Variants in NRXN3 observed in about 807,000 individuals in gnomAD.
The protein encoded by NRXN3 is neurexin 3.
In NRXN3, 32 loss-of-function variants were observed where a neutral mutation model predicts 137.6. That is an observed-to-expected ratio of 0.23 (90% CI 0.18 to 0.31). The LOEUF (loss-of-function observed/expected upper bound fraction) is 0.31, where lower values mean the gene tolerates loss of function less well. Ranked by LOEUF, NRXN3 falls within the 10% of genes least tolerant of loss-of-function variation. The pLI is 1.00. For synonymous variants in NRXN3, 798 were observed against 784.5 expected, an observed-to-expected ratio of 1.02 and a Z score of -0.29; for missense variants, 1,574 against 2,062.5, an observed-to-expected ratio of 0.76 and a Z score of 4.59.
At chr14:78,520,956 G>T (rs933028540) in intron 4 of NRXN3, among the ~76,000 whole-genome samples, 1 of 152,188 alleles carries the variant, frequency 6.6e-6, no homozygotes, top group African/African-American at 2.4e-5. Context: ...GAAGCTGTCA[G>T]TAGGGCTTTC....
intron 1 of NRXN3, among the ~76,000 whole-genome samples, chr14:78,221,470 G>A (rs1045483511): frequency 1.3e-5 from 2 of 152,158 alleles, no homozygotes; most frequent in Non-Finnish European, 2.9e-5. Flanking sequence ...TGGGAGTCAG[G>A]GTACAGAGGG....
rs188017529 is a variant in NRXN3, at chr14:78,268,623, G to A, written c.710-10022G>A. Among the ~76,000 whole-genome samples, 15 of 152,274 alleles carry A rather than the reference G, an allele frequency of 9.9e-5. No individual in the cohort carries two copies. The East Asian group carries it at 2.3e-3, about 24-fold the overall frequency. ...GGATGGAAGTATGGTACTGTGGGAA[G>A]GAAAACGAGTTTGGAGTCAGAGAAA... On this transcript the variant is annotated intron_variant, in intron 2 of 20. Transcript: ENST00000335750.
intron 15 of NRXN3, among the ~76,000 whole-genome samples, chr14:79,409,907 TA>T (rs2095389107): frequency 6.6e-6 from 1 of 151,836 alleles, no homozygotes; most frequent in South Asian, 2.1e-4. Flanking sequence ...TTTACTTTTT[TA>T]TTAATTACAA....
At position 78,827,950 on chromosome 14, in the gene NRXN3, C is replaced by CA. The variant is rs1239947089; in HGVS notation, c.2275+17607dup. Among the ~76,000 whole-genome samples the CA allele has an allele frequency of 3.9e-5, 6 of 152,226 alleles. No individual in the cohort carries two copies. The East Asian group carries it at 1.2e-3, about 29-fold the overall frequency. Reference sequence around the variant, plus strand: ...TATTGCCATTGCCTTTGAAGGCACACATTCATTGTGCTATGGTTTGGTAAT... The same window carrying CA: ...TATTGCCATTGCCTTTGAAGGCACACAATTCATTGTGCTATGGTTTGGTAAT... On this transcript the variant is annotated intron_variant, in intron 10 of 20. Transcript: ENST00000335750.
chr14:78,964,607 A>G (rs1488854027), intron 11 of NRXN3, among the ~76,000 whole-genome samples: 3 of 134,872 alleles, frequency 2.2e-5, no homozygotes, highest in African/African-American at 7.5e-5. Context: ...AGTTTTTTCA[A>G]TGTAGAAGGT....
chr14:79,723,860 C>A (rs959295994), intron 19 of NRXN3, among the ~76,000 whole-genome samples: 1 of 152,114 alleles, frequency 6.6e-6, no homozygotes, highest in Admixed American at 6.5e-5. Flanking sequence ...GTGGAGCTGA[C>A]AAGGGCGAGC....
intron 2 of NRXN3, among the ~76,000 whole-genome samples, chr14:78,247,325 A>G (rs1475411283): frequency 6.6e-6 from 1 of 152,128 alleles, no homozygotes; most frequent in Non-Finnish European, 1.5e-5. Context: ...TTGCTTTGGG[A>G]GAGTTTGGAC....
intron 4 of NRXN3, among the ~76,000 whole-genome samples, chr14:78,634,707 C>G (rs2097551846): frequency 6.6e-6 from 1 of 152,110 alleles, no homozygotes; most frequent in Non-Finnish European, 1.5e-5. Context: ...TCCATTTATT[C>G]TCTTCCTCCT....
intron 4 of NRXN3, among the ~76,000 whole-genome samples, chr14:78,478,134 T>C (rs925300821): frequency 1.3e-5 from 2 of 152,336 alleles, no homozygotes; most frequent in African/African-American, 4.8e-5. Flanking sequence ...GGTATCATGA[T>C]AGTCAAACGT....
At chr14:79,306,969 T>TTAAGAAG (rs1323600658) in intron 15 of NRXN3, among the ~76,000 whole-genome samples, 2 of 152,066 alleles carry the variant, frequency 1.3e-5, no homozygotes, top group Non-Finnish European at 2.9e-5. Flanking sequence ...TTAAGAGCTG[T>TTAAGAAG]CTCCTTAAGA....
At chr14:78,219,371 A>G (rs1289224593) in intron 1 of NRXN3, among the ~76,000 whole-genome samples, 1 of 152,218 alleles carries the variant, frequency 6.6e-6, no homozygotes, top group Non-Finnish European at 1.5e-5. Flanking sequence ...GAATAGGGTG[A>G]GAAATTTCCA....
chr14:78,249,187 C>A (rs951326061), intron 2 of NRXN3, among the ~76,000 whole-genome samples: 2 of 152,222 alleles, frequency 1.3e-5, no homozygotes, highest in Non-Finnish European at 2.9e-5. Context: ...GTGAAAGCAG[C>A]CTTCTCCTTT....
chr14:79,175,684 C>T lies in NRXN3; in HGVS notation c.3262+187543C>T, dbSNP rs145164559. Among the ~76,000 whole-genome samples the T allele has an allele frequency of 3.0e-3, 464 of 152,224 alleles. 1 individual carries two copies. The highest frequency in any genetic ancestry group is 0.011 in the African/African-American group (449 of 41,526). ...GTTCACTGTTTTCATCCTTGAAAAC[C>T]GTGGGCTGCTTCAGAGTGGGAAACA... On this transcript the variant is annotated intron_variant, in intron 15 of 20. Transcript: ENST00000335750.
rs1214879172 is a variant in NRXN3, at chr14:79,189,190, T to C, written c.3262+201049T>C. ...AAGAAAATGTGGCACATATACACCATGGAATACTATGCAGCCATAAAAAAT... is the reference window on the plus strand; with the variant it reads ...AAGAAAATGTGGCACATATACACCACGGAATACTATGCAGCCATAAAAAAT... On this transcript the variant is annotated intron_variant, in intron 15 of 20. Coordinates refer to ENST00000335750, the MANE Select transcript of NRXN3 (RefSeq NM_001330195.2). Among the ~76,000 whole-genome samples the C allele has an allele frequency of 3.9e-5, 6 of 151,964 alleles. No homozygotes were observed. In the East Asian group the frequency reaches 1.2e-3, roughly 29 times the overall value.
chr14:78,408,562 G>C (rs2092640505), intron 4 of NRXN3, among the ~76,000 whole-genome samples: 1 of 152,100 alleles, frequency 6.6e-6, no homozygotes, highest in Admixed American at 6.5e-5. Flanking sequence ...TCTTTACTCA[G>C]GGTGCCTTTC....
At chr14:79,838,318 C>T (rs2099348631) in intron 20 of NRXN3, among the ~76,000 whole-genome samples, 1 of 152,202 alleles carries the variant, frequency 6.6e-6, no homozygotes, top group Admixed American at 6.5e-5. Context: ...AGCAGACATT[C>T]TCCCAGGGAA....
chr14:78,969,523 CCA>C (rs1293084663), intron 14 of NRXN3, among the ~76,000 whole-genome samples: 5 of 152,102 alleles, frequency 3.3e-5, no homozygotes, highest in Admixed American at 6.6e-5. Context: ...TGTTAATTTA[CCA>C]CATCAAATCT....
At chr14:78,284,639 C>G (rs946099540) in intron 3 of NRXN3, among the ~76,000 whole-genome samples, 2 of 152,112 alleles carry the variant, frequency 1.3e-5, no homozygotes, top group African/African-American at 4.8e-5. Flanking sequence ...GGAAAATCAA[C>G]CCACCGTTGT....
intron 14 of NRXN3, among the ~76,000 whole-genome samples, chr14:78,968,980 T>C (rs1226791811): frequency 6.6e-6 from 1 of 152,250 alleles, no homozygotes; most frequent in African/African-American, 2.4e-5. Context: ...TTGTTAGCTA[T>C]GTGACATTTG....
Sources: allele counts gnomAD v4.1 joint callset (sites outside exome capture counted in the v4.1 genomes callset), GRCh38; gene constraint gnomAD v4.1.1; transcripts MANE v1.5; gene names NCBI Gene and HGNC (gene_info 2026-07-23, HGNC 2026-07-21).